The following ZNF7 variants were observed in gnomAD, a reference collection of about 807,000 sequenced individuals.
The protein encoded by ZNF7 is C2-H2 type zinc finger protein.
Under a neutral mutation model 12.0 loss-of-function variants are expected in ZNF7, and 10 were observed. The ratio of observed to expected loss-of-function variants is 0.83; its 90% CI spans 0.51 to 1.42. The LOEUF is 1.42. Ranked by LOEUF, ZNF7 falls within the 40% of genes most tolerant of loss-of-function variation. The pLI is 0.00. For missense variants in ZNF7, 854 were observed against 837.2 expected, an observed-to-expected ratio of 1.02 and a Z score of -0.25; for synonymous variants, 334 against 295.0, an observed-to-expected ratio of 1.13 and a Z score of -1.35.
Position 144,838,714 on chromosome 8 carries a change from G to C in ZNF7, c.247+1207G>C, listed in dbSNP as rs145048990. 402 of 152,792 alleles carry C rather than the reference G, an allele frequency of 2.6e-3. 2 individuals carry two copies. Among genetic ancestry groups the C allele is most frequent in the Non-Finnish European group, 3.8e-3 (262 of 68,452 alleles). The allele number at this position is 152,792 out of a possible 1,614,324, so 9.5% of individuals were successfully genotyped here. A position where few individuals can be genotyped will look rare whatever the true frequency, so the allele number is the denominator to read the frequency against. On this transcript the variant is annotated intron_variant, in intron 4 of 4. Transcript: ENST00000532777. Reference sequence around the variant, plus strand: ...TTCTAGCGATTTGGGAGGCCGAGGTGGGCGGATCACGAGGTCAGGAGATCG... The same window carrying C: ...TTCTAGCGATTTGGGAGGCCGAGGTCGGCGGATCACGAGGTCAGGAGATCG...
chr8:144,841,140 T>G lies in ZNF7; in HGVS notation c.248-215T>G, dbSNP rs1325635888. Reference sequence around the variant, plus strand: ...CCCAGCCCTGCCCCAGCAATGAACATTCATTGCTATCGAATGAGTGAACAA... The same window carrying G: ...CCCAGCCCTGCCCCAGCAATGAACAGTCATTGCTATCGAATGAGTGAACAA... On this transcript the variant is annotated intron_variant, in intron 4 of 4. Coordinates refer to ENST00000532777, the MANE Select transcript of ZNF7 (RefSeq NM_003416.4). The G allele has an allele frequency of 1.1e-5, 6 of 566,604 alleles. No homozygotes were observed. In the Admixed American group the frequency reaches 1.9e-4, roughly 18 times the overall value. The allele number at this position is 566,604 out of a possible 1,614,324, so 35.1% of individuals were successfully genotyped here.
At position 144,833,656 on chromosome 8, in the gene ZNF7, G is replaced by A. The variant is rs137937748; in HGVS notation, c.131-3735G>A. The A allele has an allele frequency of 7.0e-4, 106 of 152,262 alleles. No individual in the cohort carries two copies. The Middle Eastern group carries it at 0.01, about 15-fold the overall frequency. The allele number at this position is 152,262 out of a possible 1,614,324, so 9.4% of individuals were successfully genotyped here. A position where few individuals can be genotyped will look rare whatever the true frequency, so the allele number is the denominator to read the frequency against. On this transcript the variant is annotated intron_variant, in intron 3 of 4. Transcript: ENST00000532777. ...GTCTCCCAAAGTGCTGGGATTACAG[G>A]TGTGAGCCACCGTACCTGGCCAGTT...
At chr8:144,838,408 C>T (rs1449915522) in intron 4 of ZNF7, 7 of 460,748 alleles carry the variant, frequency 1.5e-5, no homozygotes, top group Non-Finnish European at 2.7e-5. Flanking sequence ...GCATCAGCTC[C>T]TGCTGGGCAG....
At chr8:144,841,129 A>G in intron 4 of ZNF7, 1 of 536,232 alleles carries the variant, frequency 1.9e-6, no homozygotes, top group East Asian at 3.1e-5. Flanking sequence ...GCCCTGCCCC[A>G]GCAATGAACA....
rs1240533808 is a variant in ZNF7 at position 144,831,936 on chromosome 8, G to A, written c.130+2332G>A. On this transcript the variant is annotated intron_variant, in intron 3 of 4. Transcript: ENST00000532777. ...AGAGCGAGGAGGGAGGATTGCCTGA[G>A]CCTGGAAGGTCAAGGTTGGAGTCAG... Among the ~76,000 whole-genome samples, 2 of 100,962 alleles carry A rather than the reference G, an allele frequency of 2.0e-5. 1 individual carries two copies. The highest frequency in any genetic ancestry group is 2.1e-4 in the Admixed American group (2 of 9,326). 66.2% of individuals were successfully genotyped at this position (100,962 alleles called of 152,430 possible).
At chr8:144,846,188 A>C (rs1259028600), downstream of ZNF7, 1 of 1,535,874 alleles carries the variant, frequency 6.5e-7, no homozygotes, top group East Asian at 2.4e-5. Context: ...AAAATTCCAG[A>C]TTCTGTGCTA....
chr8:144,829,205 C>A lies in ZNF7; in HGVS notation c.3+115C>A, dbSNP rs1828146294. 2.5e-6 allele frequency: 4 copies of A among 1,573,294 alleles called. No homozygotes were observed. The Admixed American group carries it at 7.5e-5, about 29-fold the overall frequency. ...TTGGCCCTTGCTGGGCTTAGGAAGG[C>A]CCCCTTGCCCCCAACCCCAAGGTAG... On this transcript the variant is annotated intron_variant, in intron 2 of 4. Coordinates refer to ENST00000532777, the MANE Select transcript of ZNF7 (RefSeq NM_003416.4).
chr8:144,837,977 C>T, intron 4 of ZNF7: 1 of 678,550 alleles, frequency 1.5e-6, no homozygotes, highest in Admixed American at 2.1e-5. Flanking sequence ...GACTAGGAAG[C>T]TTAAAACAAC....
chr8:144,843,401 A>G lies in ZNF7; in HGVS notation c.*233A>G, dbSNP rs1484244776. 11 of 427,364 alleles carry G rather than the reference A, an allele frequency of 2.6e-5. No individual in the cohort carries two copies. Among genetic ancestry groups the G allele is most frequent in the Non-Finnish European group, 4.5e-5 (11 of 245,846 alleles). 26.5% of individuals were successfully genotyped at this position (427,364 alleles called of 1,614,324 possible). A position where few individuals can be genotyped will look rare whatever the true frequency, so the allele number is the denominator to read the frequency against. On this transcript the variant is annotated 3_prime_UTR_variant, in exon 5 of 5. Coordinates refer to ENST00000532777, the MANE Select transcript of ZNF7 (RefSeq NM_003416.4). The stretch of plus-strand genomic sequence containing the variant: ...TCAGGAGGTTGAGACCATCCTGGGT[A>G]ACAGGTGAAACCCCATCTCTACTAA...
chr8:144,846,953 C>G (rs955100699), downstream of ZNF7: 3 of 152,274 alleles, frequency 2.0e-5, no homozygotes, highest in African/African-American at 7.2e-5. Flanking sequence ...CCGCCTCGGC[C>G]TCCCTAAGTG....
downstream of ZNF7, chr8:144,843,842 A>G (rs1586849103): frequency 6.6e-6 from 1 of 152,204 alleles, no homozygotes; most frequent in African/African-American, 2.4e-5. Flanking sequence ...ACTGGCTTCA[A>G]CAATACGGAA....
intron 1 of ZNF7, 131 bp from the exon 2 acceptor site, chr8:144,828,912 C>A: frequency 1.6e-6 from 2 of 1,221,420 alleles, no homozygotes; most frequent in Non-Finnish European, 2.3e-6. Context: ...CTGCTTCAGC[C>A]CAGCCCCATG....
At chr8:144,827,684 C>G (rs1586779840) in intron 1 of ZNF7, 75 bp downstream of exon 1, 1 of 985,002 alleles carries the variant, frequency 1.0e-6, no homozygotes. Context: ...TTAGCCCTCC[C>G]GCCTTCGGCA....
chr8:144,841,617 A>C lies in ZNF7; in HGVS notation c.510A>C (p.Gly170=), dbSNP rs144730196. The C allele has an allele frequency of 3.7e-5, 60 of 1,614,194 alleles. No individual in the cohort carries two copies. The African/African-American group carries it at 6.0e-4, about 16-fold the overall frequency. ...PKTFTKDAPQ[G]CKELGSSGLD... ...CCTTCACCAAGGACGCACCCCAGGG[A>C]TGTAAGGAGCTGGGAAGCAGCGGCC... is the stretch of plus-strand genomic sequence containing the variant. Residue 170 remains glycine, a synonymous_variant, in exon 5 of 5, where the codon GGA becomes GGC. Transcript: ENST00000532777.
Position 144,829,567 on chromosome 8 carries a change from A to G in ZNF7, c.93A>G (p.Glu31=). The change falls in exon 3 of 5, where the codon GAA becomes GAG. Residue 31 remains glutamate (E), a synonymous_variant. Transcript: ENST00000532777. ...CTGGCCAGAGGGCCCTCTACAGGGAAGTGATGCTGGAGAACCACAGCAGTG... is the reference window on the plus strand; with the variant it reads ...CTGGCCAGAGGGCCCTCTACAGGGAGGTGATGCTGGAGAACCACAGCAGTG... The part of the protein sequence containing the change: ...LDPGQRALYR[E]VMLENHSSVA... 1.9e-6 allele frequency: 3 copies of G among 1,613,694 alleles called. No individual in the cohort carries two copies. The highest frequency in any genetic ancestry group is 2.5e-6 in the Non-Finnish European group (3 of 1,179,628).
Position 144,842,410 on chromosome 8 carries a change from C to A in ZNF7, c.1303C>A (p.His435Asn), listed in dbSNP as rs1340644074. The A allele has an allele frequency of 6.2e-7, 1 of 1,614,090 alleles. No individual in the cohort carries two copies. The highest frequency in any genetic ancestry group is 8.5e-7 in the Non-Finnish European group (1 of 1,180,038). ...TCGCCTGAGTCAGCATCAGCTGATTCACACTGGAGAGAAGCCTTATAAATG... is the reference window on the plus strand; with the variant it reads ...TCGCCTGAGTCAGCATCAGCTGATTAACACTGGAGAGAAGCCTTATAAATG... ...ISRLSQHQLI[H>N]TGEKPYKCNK... The change falls in exon 5 of 5, where the codon CAC (histidine) becomes AAC (asparagine). Residue 435 changes from histidine (H) to asparagine (N), a missense_variant. His to Asn is a moderately conservative substitution (Grantham distance 68). Coordinates refer to ENST00000532777, the MANE Select transcript of ZNF7 (RefSeq NM_003416.4).
rs1326866184 is a variant in ZNF7, at chr8:144,832,185, G to A, written c.130+2581G>A. 4.0e-5 allele frequency among the ~76,000 whole-genome samples: 4 copies of A among 99,952 alleles called. 2 individuals are homozygous for A. Among genetic ancestry groups the A allele is most frequent in the African/African-American group, 5.9e-5 (2 of 34,144 alleles). 65.6% of individuals were successfully genotyped at this position (99,952 alleles called of 152,430 possible). ...TCCCAGCGCTTTGGGAGGCCAAGGCGGGCGGATTGCCTCAAATCAGGAGTT... is the reference window on the plus strand; with the variant it reads ...TCCCAGCGCTTTGGGAGGCCAAGGCAGGCGGATTGCCTCAAATCAGGAGTT... On this transcript the variant is annotated intron_variant, in intron 3 of 4. Coordinates refer to ENST00000532777, the MANE Select transcript of ZNF7 (RefSeq NM_003416.4).
chr8:144,829,191 T>C, intron 2 of ZNF7, 101 bp downstream of exon 2: 1 of 1,589,824 alleles, frequency 6.3e-7, no homozygotes, highest in Middle Eastern at 1.7e-4. Flanking sequence ...TGGCCCTTGC[T>C]GGGCTTAGGA....
intron 1 of ZNF7, chr8:144,828,044 C>T (rs1265072970): frequency 6.6e-6 from 1 of 152,308 alleles, no homozygotes; most frequent in Non-Finnish European, 1.5e-5. Flanking sequence ...GGAACGGTGC[C>T]TTGGGTGGGG....
Sources: allele counts gnomAD v4.1 joint callset (sites outside exome capture counted in the v4.1 genomes callset), GRCh38; gene constraint gnomAD v4.1.1; transcripts MANE v1.5; gene names NCBI Gene and HGNC (gene_info 2026-07-23, HGNC 2026-07-21).